Variants in PABPC1 observed in about 807,000 individuals in gnomAD.
PABPC1 encodes the protein poly(A) binding protein cytoplasmic 1.
In PABPC1, 4 loss-of-function variants were observed where a neutral mutation model predicts 74.0. That is an observed-to-expected ratio of 0.05 (90% CI 0.03 to 0.12). The LOEUF (loss-of-function observed/expected upper bound fraction) is 0.12. PABPC1 is among the 10% of genes least tolerant of loss of function. PABPC1 has a pLI of 1.00. For synonymous variants in PABPC1, 227 were observed against 264.1 expected (o/e 0.86, Z 1.36); for missense variants, 271 against 821.1 (o/e 0.33, Z 8.19).
At chr8:100,717,576 T>TA (rs1243406695) in intron 3 of PABPC1, among the ~76,000 whole-genome samples, 197 bp downstream of exon 3, 1 of 152,232 alleles carries the variant, frequency 6.6e-6, no homozygotes, top group Non-Finnish European at 1.5e-5. Context: ...AATTCAATTG[T>TA]AAAAATCAAG....
At position 100,720,973 on chromosome 8, in the gene PABPC1, C is replaced by T. The variant is rs886174717; in HGVS notation, c.193+418G>A. Among the ~76,000 whole-genome samples, 6 of 152,196 alleles carry T rather than the reference C, an allele frequency of 3.9e-5. No homozygotes were observed. The South Asian group carries it at 6.2e-4, about 16-fold the overall frequency. On this transcript the variant is annotated intron_variant, in intron 1 of 14. Transcript: ENST00000318607. Reference sequence around the variant, plus strand: ...TTTCGAGCACAGAACTGCACTTCCTCCCCAGGCTGGGGCGCCGGCAGGAGC... The same window carrying T: ...TTTCGAGCACAGAACTGCACTTCCTTCCCAGGCTGGGGCGCCGGCAGGAGC...
intron 4 of PABPC1, among the ~76,000 whole-genome samples, chr8:100,713,769 G>A (rs1704110517): frequency 6.6e-6 from 1 of 152,204 alleles, no homozygotes; most frequent in South Asian, 2.1e-4. Context: ...TTACAGGCAT[G>A]AGCTATTGTG....
chr8:100,704,092 T>A, intron 14 of PABPC1: 1 of 444,048 alleles, frequency 2.3e-6, no homozygotes, highest in Non-Finnish European at 4.0e-6. Flanking sequence ...CTGAAAGTCC[T>A]GGGATTTTAA....
At chr8:100,717,992 A>C in intron 2 of PABPC1, 95 bp downstream of exon 2, 1 of 1,329,082 alleles carries the variant, frequency 7.5e-7, no homozygotes, top group Non-Finnish European at 1.1e-6. Context: ...TATTTGTGAA[A>C]TAAAGATATC....
At chr8:100,715,732 T>C (rs1303223446) in intron 3 of PABPC1, 131 bp from the exon 4 acceptor site, 2 of 553,582 alleles carry the variant, frequency 3.6e-6, no homozygotes, top group East Asian at 2.9e-5. Flanking sequence ...CACTACAAAA[T>C]AGAAATAGGG....
At chr8:100,704,794 G>A (rs1242648059) in intron 13 of PABPC1, 132 bp downstream of exon 13, 2 of 905,754 alleles carry the variant, frequency 2.2e-6, no homozygotes, top group East Asian at 2.5e-5. Flanking sequence ...AGCGCCACAG[G>A]TTATTATGCA....
chr8:100,715,255 T>C (rs1390800363), intron 4 of PABPC1, among the ~76,000 whole-genome samples: 1 of 152,148 alleles, frequency 6.6e-6, no homozygotes. Flanking sequence ...CTATTAACCT[T>C]TAACCTGGAT....
At position 100,718,259 on chromosome 8, in the gene PABPC1, A is replaced by G. The variant is rs1241370894; in HGVS notation, c.215T>C (p.Met72Thr). The G allele has an allele frequency of 6.2e-7, 1 of 1,613,608 alleles. No homozygotes were observed. Among genetic ancestry groups the G allele is most frequent in the South Asian group, 1.1e-5 (1 of 91,052 alleles). Residue 72 changes from methionine to threonine, a missense_variant, in exon 2 of 15, where the codon ATG becomes ACG. By Grantham distance (81) the Met-to-Thr change is moderately conservative (BLOSUM62 -1). This residue lies in a region of PABPC1 where 47 missense variants were observed against 214.1 expected (regional missense o/e 0.22). Transcript: ENST00000318607. ...PADAERALDT[M>T]NFDVIKGKPV... is the part of the protein sequence containing the mutation. ...CTTGCCCTTTATAACATCAAAATTCATGGTGTCCAAAGCACGCTCCGCTGC... is the reference window on the plus strand; with the variant it reads ...CTTGCCCTTTATAACATCAAAATTCGTGGTGTCCAAAGCACGCTCCGCTGC...
chr8:100,721,042 C>A lies in PABPC1; in HGVS notation c.193+349G>T, dbSNP rs978357187. Among the ~76,000 whole-genome samples, 1 of 152,158 alleles carries A rather than the reference C, an allele frequency of 6.6e-6. No homozygotes were observed. The highest frequency in any genetic ancestry group is 1.5e-5 in the Non-Finnish European group (1 of 68,036). On this transcript the variant is annotated intron_variant, in intron 1 of 14. Coordinates refer to ENST00000318607, the MANE Select transcript of PABPC1 (RefSeq NM_002568.4). The surrounding 1 kb of genome is among the most constrained non-coding windows in gnomAD (Gnocchi z 7.4). ...CTCCACCTCTTACCCACGGAAGGAG[C>A]TCAGCGTTCAACGCCCCAGAATCCC...
At chr8:100,712,518 G>C (rs1178522888) in intron 6 of PABPC1, 61 bp from the exon 7 acceptor site, 7 of 1,452,808 alleles carry the variant, frequency 4.8e-6, no homozygotes, top group Non-Finnish European at 6.6e-6. Context: ...AAGTACATCG[G>C]GTCTATTATT....
At chr8:100,717,612 T>A (rs1186134675) in intron 3 of PABPC1, among the ~76,000 whole-genome samples, 161 bp downstream of exon 3, 1 of 152,256 alleles carries the variant, frequency 6.6e-6, no homozygotes. Context: ...TTCACTCCAG[T>A]ACAACTACAT....
intron 7 of PABPC1, among the ~76,000 whole-genome samples, chr8:100,711,796 T>C (rs910438323): frequency 6.6e-5 from 10 of 152,212 alleles, no homozygotes; most frequent in Admixed American, 1.3e-4. Context: ...TTTTTTTCTA[T>C]GCACTCTTCC....
rs766478729 is a variant in PABPC1, at chr8:100,706,810, A to T, written c.1448-5T>A. 4 of 1,178,478 alleles carry T rather than the reference A, an allele frequency of 3.4e-6. No individual in the cohort carries two copies. The highest frequency in any genetic ancestry group is 4.3e-6 in the Non-Finnish European group (4 of 927,054). The allele number at this position is 1,178,478 out of a possible 1,614,324, so 73.0% of individuals were successfully genotyped here. A position where few individuals can be genotyped will look rare whatever the true frequency, so the allele number is the denominator to read the frequency against. On this transcript the variant is annotated splice_polypyrimidine_tract_variant and splice_region_variant and intron_variant, in intron 10 of 14. Transcript: ENST00000318607. The stretch of plus-strand genomic sequence containing the variant: ...TTGTCTGTGTTGATGTGTTAGCTAA[A>T]AAATAAGAACATTTTGTATTTTTAT...
At chr8:100,719,101 C>T (rs1044797480) in intron 1 of PABPC1, among the ~76,000 whole-genome samples, 12 of 152,168 alleles carry the variant, frequency 7.9e-5, no homozygotes, top group Admixed American at 5.2e-4. Flanking sequence ...CAATTAATTT[C>T]AGGATCTATA....
At chr8:100,711,321 G>A (rs1196523844) in intron 7 of PABPC1, among the ~76,000 whole-genome samples, 1 of 151,958 alleles carries the variant, frequency 6.6e-6, no homozygotes, top group Non-Finnish European at 1.5e-5. Flanking sequence ...AAGAATTTGT[G>A]TTGCACTGCA....
At chr8:100,707,284 CAG>C in intron 9 of PABPC1, 1 of 269,666 alleles carries the variant, frequency 3.7e-6, no homozygotes, top group Non-Finnish European at 7.2e-6. Flanking sequence ...ACACGAGACA[CAG>C]AGATTTAAAA....
At chr8:100,711,125 C>G (rs949914834) in intron 7 of PABPC1, among the ~76,000 whole-genome samples, 1 of 151,826 alleles carries the variant, frequency 6.6e-6, no homozygotes, top group Admixed American at 6.6e-5. Context: ...CTAAAAATAC[C>G]AAAAATTAGC....
At chr8:100,717,687 CTGACAAATATTAACTTAAAATGAATG>C (rs1810709353) in intron 3 of PABPC1, 60 bp downstream of exon 3, 1 of 818,140 alleles carries the variant, frequency 1.2e-6, no homozygotes, top group Admixed American at 2.7e-5. Flanking sequence ...TAACTTCTCC[CTGACAAATATTAACTTAAAATGAATG>C]GATTTGGAAT....
rs1417407324 is a variant in PABPC1, at chr8:100,721,635, GGA to G, written c.-54_-53del. ...AGGCCGCGACCTTTCCGTGAGAGGA[GGA>G]GAGCGAGTGCCGGGGCTGGGGGCCG... On this transcript the variant is annotated 5_prime_UTR_variant, in exon 1 of 15. Coordinates refer to ENST00000318607, the MANE Select transcript of PABPC1 (RefSeq NM_002568.4). This position sits in a 1 kb window ranked among gnomAD's most constrained non-coding sequence, Gnocchi z 7.4. The G allele has an allele frequency of 2.9e-6, 4 of 1,398,014 alleles. No homozygotes were observed. Among genetic ancestry groups the G allele is most frequent in the Non-Finnish European group, 3.8e-6 (4 of 1,057,944 alleles). 86.6% of individuals were successfully genotyped at this position (1,398,014 alleles called of 1,614,324 possible). A position where few individuals can be genotyped will look rare whatever the true frequency, so the allele number is the denominator to read the frequency against.
Sources: allele counts gnomAD v4.1 joint callset (sites outside exome capture counted in the v4.1 genomes callset), GRCh38; gene constraint gnomAD v4.1.1; regional missense constraint gnomAD v4.1.1; non-coding constraint Gnocchi (gnomAD v3.1); transcripts MANE v1.5; gene names NCBI Gene and HGNC (gene_info 2026-07-23, HGNC 2026-07-21).